The following SAMD5 variants were observed in gnomAD, a reference collection of about 807,000 sequenced individuals.
The protein encoded by SAMD5 is sterile alpha motif domain-containing protein 5.
SAMD5 carries 13 observed loss-of-function variants against 11.3 expected under a neutral mutation model. That is an observed-to-expected ratio of 1.15 (90% confidence interval 0.75 to 1.83). SAMD5 has a LOEUF of 1.83. Ranked by LOEUF, SAMD5 falls within the 40% of genes most tolerant of loss-of-function variation. The pLI, the probability that SAMD5 is intolerant of heterozygous loss-of-function variation, is 0.00. For missense variants in SAMD5, 255 were observed against 239.1 expected, an observed-to-expected ratio of 1.07 and a Z score of -0.44; for synonymous variants, 129 against 111.3, an observed-to-expected ratio of 1.16 and a Z score of -1.00.
chr6:147,799,838 C>T, the SAMD5 span, among the ~76,000 whole-genome samples: 2 of 152,268 alleles, frequency 1.3e-5, no homozygotes, highest in Non-Finnish European at 2.9e-5. Flanking sequence ...ACTGCTGATA[C>T]CCTTTCTTCC....
chr6:147,821,610 G>A, the SAMD5 span, among the ~76,000 whole-genome samples: 114 of 152,316 alleles, frequency 7.5e-4, no homozygotes, highest in African/African-American at 2.6e-3. Flanking sequence ...CTACAAGTCT[G>A]TAATCAGTTT....
At chr6:147,758,673 T>C in the SAMD5 span, among the ~76,000 whole-genome samples, 64,388 of 152,004 alleles carry the variant, frequency 0.42, 15,997 homozygotes, top group Middle Eastern at 0.57. Context: ...GGAAATCGAG[T>C]CAGGGCATAC....
At chr6:147,747,972 G>A in the SAMD5 span, among the ~76,000 whole-genome samples, 1 of 152,126 alleles carries the variant, frequency 6.6e-6, no homozygotes, top group Admixed American at 6.5e-5. Context: ...CTACATGTTG[G>A]TGGGAACAAT....
At chr6:147,921,771 T>C in the SAMD5 span, among the ~76,000 whole-genome samples, 2 of 152,176 alleles carry the variant, frequency 1.3e-5, no homozygotes, top group Non-Finnish European at 1.5e-5. Flanking sequence ...TTGCCCATGG[T>C]GCTGTCATAT....
At chr6:147,671,889 A>ATTTTTT (rs56865442) in intron 1 of SAMD5, among the ~76,000 whole-genome samples, 10 of 98,062 alleles carry the variant, frequency 1.0e-4, no homozygotes, top group African/African-American at 2.4e-4. Flanking sequence ...CTTTTTCAGG[A>ATTTTTT]TTTTTTTTTT....
chr6:147,767,799 G>T, the SAMD5 span, among the ~76,000 whole-genome samples: 1 of 152,182 alleles, frequency 6.6e-6, no homozygotes, highest in Non-Finnish European at 1.5e-5. Context: ...TGCATGAGGG[G>T]TCATAACTAA....
At position 147,654,915 on chromosome 6, in the gene SAMD5, G is replaced by T. The variant is rs182432544; in HGVS notation, c.163-82402G>T. ...AGCATCTGGGTCAGCCTGGGGATTG[G>T]TGGCAGGCACGTCTGGGGTCCTTTT... On this transcript the variant is annotated intron_variant, in intron 1 of 1. Coordinates refer to the SAMD5 transcript ENST00000566741. Among the ~76,000 whole-genome samples the T allele has an allele frequency of 1.5e-3, 229 of 152,250 alleles. 2 individuals carry two copies. Among genetic ancestry groups the T allele is most frequent in the Non-Finnish European group, 8.7e-4 (59 of 68,026 alleles).
the SAMD5 span, among the ~76,000 whole-genome samples, chr6:147,835,047 A>G: frequency 5.9e-5 from 9 of 152,214 alleles, no homozygotes; most frequent in East Asian, 9.7e-4. Context: ...CCTGGCCAAC[A>G]TGGCAAAACC....
At chr6:147,778,404 G>A in the SAMD5 span, among the ~76,000 whole-genome samples, 8 of 152,044 alleles carry the variant, frequency 5.3e-5, no homozygotes, top group African/African-American at 1.4e-4. Context: ...ATGTTCAGTA[G>A]GCACCTCAAC....
the SAMD5 span, among the ~76,000 whole-genome samples, chr6:147,781,772 G>GCACACA: frequency 1.3e-4 from 19 of 146,350 alleles, no homozygotes; most frequent in East Asian, 6.0e-4. Flanking sequence ...ATTTGTGTGC[G>GCACACA]CACACACACA....
Position 147,715,559 on chromosome 6 carries a change from C to T in SAMD5, c.163-21758C>T, listed in dbSNP as rs1356844173. Among the ~76,000 whole-genome samples, 5 of 152,208 alleles carry T rather than the reference C, an allele frequency of 3.3e-5. No individual in the cohort carries two copies. The East Asian group carries it at 9.7e-4, about 29-fold the overall frequency. On this transcript the variant is annotated intron_variant, in intron 1 of 1. Coordinates refer to the SAMD5 transcript ENST00000566741. The stretch of plus-strand genomic sequence containing the variant: ...GGTTCCCCAAAGGGCTGCAGCTCTT[C>T]TCCCCTCTCCTTCTTGTCACCCACA...
chr6:147,531,269 G>A (rs1226192073), intron 1 of SAMD5, among the ~76,000 whole-genome samples: 2 of 150,926 alleles, frequency 1.3e-5, no homozygotes, highest in African/African-American at 4.9e-5. Flanking sequence ...TCCTGTTTAT[G>A]TGAATAAAGT....
chr6:147,723,401 TG>T (rs1177611650), intron 1 of SAMD5, among the ~76,000 whole-genome samples: 6 of 152,234 alleles, frequency 3.9e-5, no homozygotes, highest in African/African-American at 1.4e-4. Flanking sequence ...TCTTTGGCTC[TG>T]CCATGGAACA....
chr6:147,758,839 C>T, the SAMD5 span, among the ~76,000 whole-genome samples: 1 of 152,050 alleles, frequency 6.6e-6, no homozygotes, highest in Admixed American at 6.6e-5. Context: ...AGAAGTACTT[C>T]GGGCTACTCT....
At chr6:147,730,158 G>A (rs1234290969) in intron 1 of SAMD5, 1 of 417,250 alleles carries the variant, frequency 2.4e-6, no homozygotes, top group African/African-American at 2.1e-5. Flanking sequence ...AGAGAAAGAT[G>A]ATGATTTCGG....
chr6:147,564,399 A>G lies in SAMD5; in HGVS notation c.465A>G (p.Pro155=), dbSNP rs748281935. The G allele has an allele frequency of 1.3e-6, 1 of 780,788 alleles. No individual in the cohort carries two copies. The highest frequency in any genetic ancestry group is 1.7e-5 in the African/African-American group (1 of 59,130). The allele number at this position is 780,788 out of a possible 1,614,324, so 48.4% of individuals were successfully genotyped here. Residue 155 remains proline, a synonymous_variant, in exon 2 of 2, where the codon CCA becomes CCG. Coordinates refer to ENST00000367474, the MANE Select transcript of SAMD5 (RefSeq NM_001030060.3). ...LSKPPYSRKV[P]MAGILEYLMN... ...AGATATGTTCAAATCCACAGGTCCC[A>G]ATGGCTGGCATCCTAGAGTACTTAA...
At chr6:147,849,157 A>ATTT in the SAMD5 span, among the ~76,000 whole-genome samples, 2 of 61,928 alleles carry the variant, frequency 3.2e-5, no homozygotes, top group African/African-American at 1.2e-4. Context: ...TCTATATGTG[A>ATTT]ATTTTTTTTT....
the SAMD5 span, among the ~76,000 whole-genome samples, chr6:147,820,124 T>C: frequency 2.6e-5 from 4 of 152,172 alleles, no homozygotes; most frequent in South Asian, 2.1e-4. Context: ...ATACTTTCAG[T>C]TGGAGAAACT....
rs750126934 is a variant in SAMD5 at position 147,565,721 on chromosome 6, T to TA, written c.*1266dup. On this transcript the variant is annotated 3_prime_UTR_variant, in exon 2 of 2. Coordinates refer to ENST00000367474, the MANE Select transcript of SAMD5 (RefSeq NM_001030060.3). ...ATGATCCACTCGCCGTGGCCTCCAG[T>TA]AGCGCTGGGATTACAGGCGTGAGCC... 1.2e-5 allele frequency: 12 copies of TA among 968,068 alleles called. No homozygotes were observed. The highest frequency in any genetic ancestry group is 3.5e-5 in the African/African-American group (2 of 56,856). The allele number at this position is 968,068 out of a possible 1,614,324, so 60.0% of individuals were successfully genotyped here.
Sources: allele counts gnomAD v4.1 joint callset (sites outside exome capture counted in the v4.1 genomes callset), GRCh38; gene constraint gnomAD v4.1.1; transcripts MANE v1.5; gene names NCBI Gene and HGNC (gene_info 2026-07-23, HGNC 2026-07-21).